CES1: variants seen among roughly 807,000 people sequenced by gnomAD.
The protein encoded by CES1 is liver carboxylesterase 1.
In CES1, 50 loss-of-function variants were observed where a neutral mutation model predicts 53.0. The observed-to-expected ratio is 0.94, with a 90% CI of 0.75 to 1.19. The LOEUF (loss-of-function observed/expected upper bound fraction) is 1.19, where lower values mean the gene tolerates loss of function less well. Ranked by LOEUF, CES1 falls within the 50% of genes most tolerant of loss-of-function variation. The pLI is 0.00. For missense variants in CES1, 534 were observed against 538.0 expected (o/e 0.99, Z 0.07); for synonymous variants, 202 against 210.1 (o/e 0.96, Z 0.33).
intron 1 of CES1, among the ~76,000 whole-genome samples, chr16:55,830,821 G>GGAAGGAAGGAAA (rs1567509502): frequency 3.0e-5 from 4 of 133,480 alleles, no homozygotes; most frequent in Non-Finnish European, 4.9e-5. Flanking sequence ...AAGGAAGGAA[G>GGAAGGAAGGAAA]GCAGGCAGGC....
At position 55,819,630 on chromosome 16, in the gene CES1, T is replaced by C. The variant is rs748937720; in HGVS notation, c.811A>G (p.Ile271Val). The C allele has an allele frequency of 6.2e-6, 10 of 1,613,290 alleles. No individual in the cohort carries two copies. The highest frequency in any genetic ancestry group is 1.7e-5 in the Admixed American group (1 of 60,006). The change falls in exon 7 of 14, where the codon ATC becomes GTC. Residue 271 changes from isoleucine (I) to valine (V), a missense_variant. Ile to Val is a conservative substitution (Grantham distance 29). Around this residue, in one of 5 missense-constraint regions of CES1, gnomAD observed 269 missense variants for 206.6 expected, o/e 1.30. Coordinates refer to ENST00000360526, the MANE Select transcript of CES1 (RefSeq NM_001025195.2). ...DVKPLAEQIA[I>V]TAGCKTTTSA... ...GTGGTGGTTTTGCACCCAGCAGTGA[T>C]AGCAATTTGCTGCAAAGATCACAGG...
chr16:55,819,597 C>G lies in CES1; in HGVS notation c.844G>C (p.Val282Leu), dbSNP rs1331212964. 1.2e-6 allele frequency: 2 copies of G among 1,614,138 alleles called. No individual in the cohort carries two copies. ...TAGCKTTTSAVMVHCLRQKTE... is the reference protein window; with the variant it reads ...TAGCKTTTSALMVHCLRQKTE... ...TTCTGTCGCAGGCAGTGAACCATGA[C>G]AGCAGAGGTGGTGGTTTTGCACCCA... The change falls in exon 7 of 14, where the codon GTC (valine) becomes CTC (leucine). Residue 282 changes from valine (V) to leucine (L), a missense_variant. Val to Leu is a conservative substitution (Grantham distance 32). Coordinates refer to ENST00000360526, the MANE Select transcript of CES1 (RefSeq NM_001025195.2).
chr16:55,808,969 T>G (rs1332209110), intron 11 of CES1, among the ~76,000 whole-genome samples: 2 of 152,030 alleles, frequency 1.3e-5, no homozygotes, highest in African/African-American at 2.4e-5. Flanking sequence ...TTCTTCTTTT[T>G]GTGTTTCCAT....
Position 55,821,063 on chromosome 16 carries a change from GGAGAGAGAGAAA to G in CES1, c.693+293_693+304del, listed in dbSNP as rs1214732108. ...GTCCTTATGTTAAAATGAGTGTGAA[GGAGAGAGAGAAA>G]GAGAGAGAGAGAGAGAGAGCTCAAC... On this transcript the variant is annotated intron_variant, in intron 5 of 13. Coordinates refer to ENST00000360526, the MANE Select transcript of CES1 (RefSeq NM_001025195.2). Among the ~76,000 whole-genome samples the G allele has an allele frequency of 2.1e-3, 222 of 104,568 alleles. No individual in the cohort carries two copies. In the East Asian group the frequency reaches 0.043, roughly 20 times the overall value. The allele number at this position is 104,568 out of a possible 152,430, so 68.6% of individuals were successfully genotyped here. A position where few individuals can be genotyped will look rare whatever the true frequency, so the allele number is the denominator to read the frequency against.
At chr16:55,829,582 G>A (rs572663105) in intron 1 of CES1, among the ~76,000 whole-genome samples, 1 of 152,374 alleles carries the variant, frequency 6.6e-6, no homozygotes, top group African/African-American at 2.4e-5. Context: ...AATTTGCTGA[G>A]GCTCAGAGCA....
At chr16:55,808,474 G>T (rs2031533159) in intron 11 of CES1, among the ~76,000 whole-genome samples, 1 of 152,254 alleles carries the variant, frequency 6.6e-6, no homozygotes, top group Non-Finnish European at 1.5e-5. Flanking sequence ...TATGAAACTG[G>T]AAGTGTTATG....
At chr16:55,809,164 G>T (rs1175396418) in intron 11 of CES1, among the ~76,000 whole-genome samples, 4 of 141,704 alleles carry the variant, frequency 2.8e-5, no homozygotes, top group Non-Finnish European at 6.1e-5. Flanking sequence ...GTTCAGTATT[G>T]CTCAAACCAT....
chr16:55,817,071 T>C (rs2031975533), intron 7 of CES1, 109 bp from the exon 8 acceptor site: 9 of 1,180,286 alleles, frequency 7.6e-6, no homozygotes, highest in South Asian at 4.8e-5. Context: ...ACTCCGTGAA[T>C]TCGTATATCT....
At chr16:55,827,446 C>G (rs1439759777) in intron 2 of CES1, among the ~76,000 whole-genome samples, 3 of 152,012 alleles carry the variant, frequency 2.0e-5, no homozygotes, top group African/African-American at 7.3e-5. Flanking sequence ...TAATCCCAAG[C>G]ATTGCCAAGA....
intron 3 of CES1, among the ~76,000 whole-genome samples, chr16:55,824,205 A>G (rs1238067635): frequency 1.3e-5 from 2 of 152,124 alleles, no homozygotes; most frequent in Non-Finnish European, 2.9e-5. Flanking sequence ...GCATCCCCAA[A>G]TCCTATCCAC....
intron 7 of CES1, among the ~76,000 whole-genome samples, chr16:55,818,612 T>A (rs1467151801): frequency 6.6e-6 from 1 of 152,002 alleles, no homozygotes; most frequent in Non-Finnish European, 1.5e-5. Flanking sequence ...TTCCCCTCTG[T>A]GCTGCCACCA....
rs1215569923 is a variant in CES1, at chr16:55,819,408, T to C, written c.906+127A>G. On this transcript the variant is annotated intron_variant, in intron 7 of 13. Coordinates refer to ENST00000360526, the MANE Select transcript of CES1 (RefSeq NM_001025195.2). ...TTACAATAAAAAAGGACAAATCAGA[T>C]TCCCCATTCAGATACTGAGAGTTGA... 6.7e-5 allele frequency: 51 copies of C among 765,632 alleles called. No individual in the cohort carries two copies. The East Asian group carries it at 1.2e-3, about 19-fold the overall frequency. The allele number at this position is 765,632 out of a possible 1,614,324, so 47.4% of individuals were successfully genotyped here. A position where few individuals can be genotyped will look rare whatever the true frequency, so the allele number is the denominator to read the frequency against.
chr16:55,820,902 C>T (rs1262940597), intron 5 of CES1, among the ~76,000 whole-genome samples: 4 of 152,186 alleles, frequency 2.6e-5, no homozygotes, highest in Non-Finnish European at 5.9e-5. Context: ...GAGGAATTCC[C>T]AGCCTGCTCA....
rs202121317 is a variant in CES1 at position 55,823,613 on chromosome 16, G to A, written c.476C>T (p.Ala159Val). Residue 159 changes from alanine to valine, a missense_variant, in exon 4 of 14, where the codon GCT becomes GTT. Physicochemically the swap from Ala to Val is moderately conservative, Grantham distance 64. This residue lies in a region of CES1 where 4 missense variants were observed against 50.0 expected (regional missense o/e 0.08). Transcript: ENST00000360526. ...AASTYDGLAL[A>V]AHENVVVVTI... ...CACCACCACCACGTTTTCATGGGCA[G>A]CAAGGGCCAGCCCATCATAGGTTGA... The A allele has an allele frequency of 3.6e-3, 5,750 of 1,612,824 alleles. No individual in the cohort carries two copies. In the South Asian group the frequency reaches 0.06, roughly 17 times the overall value.
At chr16:55,819,696 A>C in intron 6 of CES1, 57 bp from the exon 7 acceptor site, 1 of 1,421,708 alleles carries the variant, frequency 7.0e-7, no homozygotes, top group Non-Finnish European at 9.9e-7. Context: ...CCCTCCATCA[A>C]AGAGGAAAGT....
chr16:55,821,222 C>T (rs1419096985), intron 5 of CES1, 146 bp downstream of exon 5: 7 of 1,084,604 alleles, frequency 6.5e-6, no homozygotes, highest in South Asian at 2.6e-5. Context: ...TAGCTTTCTA[C>T]CCCCTGATGC....
chr16:55,817,741 T>C (rs374640927), intron 7 of CES1, among the ~76,000 whole-genome samples: 3 of 151,866 alleles, frequency 2.0e-5, no homozygotes, highest in African/African-American at 7.3e-5. Context: ...TCTGTATGTG[T>C]TTCTCTGTGT....
Position 55,826,286 on chromosome 16 carries a change from T to C in CES1, c.270A>G (p.Gln90=), listed in dbSNP as rs777063668. 4 of 1,613,974 alleles carry C rather than the reference T, an allele frequency of 2.5e-6. No individual in the cohort carries two copies. The highest frequency in any genetic ancestry group is 2.5e-6 in the Non-Finnish European group (3 of 1,179,858). ...NATSYPPMCT[Q]DPKAGQLLSE... Reference sequence around the variant, plus strand: ...AGAGTAACTGCCCCGCCTTGGGATCTTGGGTGCACCTGGGGAGGGGGAAAG... The same window carrying C: ...AGAGTAACTGCCCCGCCTTGGGATCCTGGGTGCACCTGGGGAGGGGGAAAG... Residue 90 remains glutamine (Q), a synonymous_variant, in exon 3 of 14, where the codon CAA becomes CAG. Transcript: ENST00000360526.
In CES1 at chr16:55,830,866, G is replaced by A. The variant is rs142912285; in HGVS notation, c.53-1892C>T. 1.6e-3 allele frequency among the ~76,000 whole-genome samples: 242 copies of A among 152,010 alleles called. 1 individual carries two copies. In the Middle Eastern group the frequency reaches 0.017, roughly 11 times the overall value. ...GGCAGGCAAGTGGGAGTGAGGGAGG[G>A]AGGGAAAGAAAAGAAAGGAAAAGAA... On this transcript the variant is annotated intron_variant, in intron 1 of 13. Coordinates refer to ENST00000360526, the MANE Select transcript of CES1 (RefSeq NM_001025195.2).
Sources: gnomAD v4.1 joint callset for allele counts (sites outside exome capture counted in the v4.1 genomes callset) on GRCh38, gnomAD v4.1.1 for gene constraint, gnomAD v4.1.1 regional missense constraint, MANE v1.5 for transcripts, NCBI Gene and HGNC (gene_info 2026-07-23, HGNC 2026-07-21) for gene names.